The following WDR11 variants were observed in gnomAD, a reference collection of about 807,000 sequenced individuals.
The protein encoded by WDR11 is WD repeat-containing protein 11.
In WDR11, 83 loss-of-function variants were observed where a neutral mutation model predicts 151.2. That is an observed-to-expected ratio of 0.55 (90% CI 0.46 to 0.66). The LOEUF (loss-of-function observed/expected upper bound fraction) is 0.66, where lower values mean the gene tolerates loss of function less well. Ranked by LOEUF, WDR11 falls within the 30% of genes least tolerant of loss-of-function variation. The pLI is 0.00. For synonymous variants in WDR11, 484 were observed against 533.1 expected (o/e 0.91, Z 1.27); for missense variants, 1,301 against 1,480.9 (o/e 0.88, Z 1.99).
At chr10:120,886,175 A>C (rs1249422674) in intron 15 of WDR11, among the ~76,000 whole-genome samples, 5 of 152,166 alleles carry the variant, frequency 3.3e-5, no homozygotes, top group Non-Finnish European at 7.3e-5. Context: ...ACCCATCAGC[A>C]TCTAGTAGTA....
chr10:120,852,232 A>G, intron 1 of WDR11: 1 of 382,532 alleles, frequency 2.6e-6, no homozygotes, highest in Non-Finnish European at 4.9e-6. Flanking sequence ...CGAAAGACGT[A>G]TGCCTACAAG....
chr10:120,865,338 A>C, intron 6 of WDR11, 126 bp downstream of exon 6: 1 of 1,002,456 alleles, frequency 1.0e-6, no homozygotes, highest in Non-Finnish European at 1.5e-6. Context: ...TCAAAAGACT[A>C]GCAACACTAT....
chr10:120,851,404 C>T lies in WDR11; in HGVS notation c.-17C>T, dbSNP rs201896993. 4.1e-5 allele frequency: 65 copies of T among 1,604,318 alleles called. No individual in the cohort carries two copies. In the East Asian group the frequency reaches 1.4e-3, roughly 35 times the overall value. ...CTGGTTGCGGGTCAGCGCCCAGGTCCTGGGCTGGCCGCCGGGATGTTGCCC... is the reference window on the plus strand; with the variant it reads ...CTGGTTGCGGGTCAGCGCCCAGGTCTTGGGCTGGCCGCCGGGATGTTGCCC... On this transcript the variant is annotated 5_prime_UTR_variant, in exon 1 of 29. Transcript: ENST00000263461.
intron 5 of WDR11, 111 bp downstream of exon 5, chr10:120,863,032 T>A: frequency 1.3e-6 from 1 of 777,668 alleles, no homozygotes; most frequent in Non-Finnish European, 2.1e-6. Context: ...TTCTCATTTC[T>A]AATTTTGAAT....
At chr10:120,877,578 C>T (rs976696483) in intron 11 of WDR11, among the ~76,000 whole-genome samples, 5 of 152,060 alleles carry the variant, frequency 3.3e-5, no homozygotes, top group African/African-American at 1.2e-4. Context: ...GAGATTGTGT[C>T]ACTGCACTCC....
At chr10:120,869,808 T>G (rs1846466072) in intron 9 of WDR11, among the ~76,000 whole-genome samples, 1 of 152,200 alleles carries the variant, frequency 6.6e-6, no homozygotes, top group Non-Finnish European at 1.5e-5. Flanking sequence ...TTATTTTTTT[T>G]GAGATGGAGT....
intron 28 of WDR11, chr10:120,908,024 T>TGGTCGCC: frequency 3.0e-5 from 5 of 164,894 alleles, no homozygotes; most frequent in South Asian, 3.1e-4. Context: ...ACTGGTTCAG[T>TGGTCGCC]GTATGCATTT....
At chr10:120,851,870 CT>C in intron 1 of WDR11, 1 of 372,656 alleles carries the variant, frequency 2.7e-6, no homozygotes. Flanking sequence ...CCTGTCTTTT[CT>C]TTTTCGTTGT....
chr10:120,898,529 C>T (rs534109591), intron 19 of WDR11, among the ~76,000 whole-genome samples: 3 of 152,264 alleles, frequency 2.0e-5, no homozygotes, highest in East Asian at 3.9e-4. Flanking sequence ...ATCACTGATA[C>T]GATTTGGCTC....
chr10:120,872,094 T>A (rs1846566634), intron 10 of WDR11, among the ~76,000 whole-genome samples: 1 of 152,238 alleles, frequency 6.6e-6, no homozygotes, highest in Non-Finnish European at 1.5e-5. Context: ...TCCCCCAGTC[T>A]ATTAACATGT....
At chr10:120,853,301 TGTC>T (rs1295869129) in intron 2 of WDR11, among the ~76,000 whole-genome samples, 1 of 152,026 alleles carries the variant, frequency 6.6e-6, no homozygotes, top group Non-Finnish European at 1.5e-5. Context: ...AATCTCACTC[TGTC>T]GCCCAGGCTG....
intron 11 of WDR11, among the ~76,000 whole-genome samples, chr10:120,875,395 A>G (rs1846729021): frequency 6.6e-6 from 1 of 152,208 alleles, no homozygotes; most frequent in South Asian, 2.1e-4. Context: ...TCTGTTCCAA[A>G]ATGCCTACCT....
At chr10:120,853,312 C>G (rs1421759330) in intron 2 of WDR11, among the ~76,000 whole-genome samples, 2 of 151,904 alleles carry the variant, frequency 1.3e-5, no homozygotes, top group African/African-American at 2.4e-5. Context: ...GTCGCCCAGG[C>G]TGGAGTGCAG....
chr10:120,871,178 G>C lies in WDR11; in HGVS notation c.1303G>C (p.Ala435Pro), dbSNP rs318240760. ...TTTTTATTACAAATCAGGGCAAAGT[G>C]CAATTGCTGGGGAAGAACATCCCAG... ...LSLDNMIGQS[A>P]IAGEEHPRGS... Residue 435 changes from alanine (A) to proline (P), a missense_variant, in exon 10 of 29, where the codon GCA becomes CCA. By Grantham distance (27) the Ala-to-Pro change is conservative. Around this residue, in one of 3 missense-constraint regions of WDR11, gnomAD observed 692 missense variants for 762.5 expected, o/e 0.91. Coordinates refer to ENST00000263461, the MANE Select transcript of WDR11 (RefSeq NM_018117.12). 11 of 1,614,138 alleles carry C rather than the reference G, an allele frequency of 6.8e-6. No homozygotes were observed. In the East Asian group the frequency reaches 1.6e-4, roughly 23 times the overall value.
At chr10:120,881,107 A>G (rs1846989020) in intron 13 of WDR11, among the ~76,000 whole-genome samples, 1 of 152,226 alleles carries the variant, frequency 6.6e-6, no homozygotes, top group African/African-American at 2.4e-5. Context: ...AAAAAGATGA[A>G]GTAACTTTTG....
intron 7 of WDR11, 36 bp from the exon 8 acceptor site, chr10:120,866,533 G>A (rs368968347): frequency 4.4e-5 from 71 of 1,612,138 alleles, no homozygotes; most frequent in Non-Finnish European, 5.8e-5. Flanking sequence ...TATCGATATG[G>A]CTGCTTTCTG....
intron 14 of WDR11, among the ~76,000 whole-genome samples, chr10:120,885,481 G>A (rs1328054487): frequency 1.3e-5 from 2 of 152,078 alleles, no homozygotes; most frequent in African/African-American, 4.8e-5. Context: ...ACCCTGGTTC[G>A]AGAACTGTGA....
chr10:120,853,581 A>C (rs1239199905), intron 2 of WDR11, among the ~76,000 whole-genome samples: 2 of 152,074 alleles, frequency 1.3e-5, no homozygotes, highest in Admixed American at 1.3e-4. Context: ...TGGATTTTTG[A>C]GTAGGAGATT....
At chr10:120,851,967 GCTC>G (rs1845791684) in intron 1 of WDR11, 1 of 234,824 alleles carries the variant, frequency 4.3e-6, no homozygotes, top group Non-Finnish European at 8.4e-6. Flanking sequence ...CTCTTTTCGG[GCTC>G]CTCCTGTGTA....
Sources: allele counts gnomAD v4.1 joint callset (sites outside exome capture counted in the v4.1 genomes callset), GRCh38; gene constraint gnomAD v4.1.1; regional missense constraint gnomAD v4.1.1; transcripts MANE v1.5; gene names NCBI Gene and HGNC (gene_info 2026-07-23, HGNC 2026-07-21).